The following BNC2 variants were observed in gnomAD, a reference collection of about 807,000 sequenced individuals.
BNC2 encodes the protein basonuclin zinc finger protein 2.
Under a neutral mutation model 76.3 loss-of-function variants are expected in BNC2, and 20 were observed. That is an observed-to-expected ratio of 0.26 (90% confidence interval 0.18 to 0.38). The LOEUF is 0.38. BNC2 is among the 10% of genes least tolerant of loss of function. The pLI is 1.00. For missense variants in BNC2, 1,382 were observed against 1,399.8 expected (o/e 0.99, Z 0.20); for synonymous variants, 582 against 514.8 (o/e 1.13, Z -1.77).
chr9:16,437,562 A>G, intron 5 of BNC2, 38 bp from the exon 6 acceptor site: 2 of 1,601,566 alleles, frequency 1.2e-6, no homozygotes, highest in Non-Finnish European at 1.7e-6. Flanking sequence ...AGACAAACAC[A>G]AAAACTTATT....
intron 3 of BNC2, among the ~76,000 whole-genome samples, chr9:16,633,723 T>C (rs763087366): frequency 2.6e-5 from 4 of 152,188 alleles, no homozygotes; most frequent in Non-Finnish European, 4.4e-5. Context: ...TGTTTCCTAT[T>C]CAGATCCAAG....
At position 16,484,625 on chromosome 9, in the gene BNC2, T is replaced by C. The variant is rs147465814; in HGVS notation, c.670-47101A>G. ...CAGAGCTGGCTGGCATGCAAGTGGT[T>C]CTAATTTTCCTTTTTCCAACTGTTC... On this transcript the variant is annotated intron_variant, in intron 5 of 6. Coordinates refer to ENST00000380672, the MANE Select transcript of BNC2 (RefSeq NM_017637.6). Among the ~76,000 whole-genome samples the C allele has an allele frequency of 7.0e-3, 1,060 of 152,322 alleles. 15 individuals are homozygous for C. Among genetic ancestry groups the C allele is most frequent in the African/African-American group, 0.024 (1,002 of 41,576 alleles).
chr9:16,468,964 G>C (rs1587064404), intron 5 of BNC2, among the ~76,000 whole-genome samples: 1 of 152,106 alleles, frequency 6.6e-6, no homozygotes, highest in African/African-American at 2.4e-5. Context: ...TATATTCACA[G>C]AAAACTAATG....
At chr9:16,777,700 C>CAAAA (rs3084426) in intron 1 of BNC2, among the ~76,000 whole-genome samples, 13 of 100,408 alleles carry the variant, frequency 1.3e-4, no homozygotes, top group South Asian at 4.1e-4. Context: ...GACTCCATCT[C>CAAAA]AAAAAAAAAA....
chr9:16,470,889 G>C (rs1288662526), intron 5 of BNC2, among the ~76,000 whole-genome samples: 2 of 152,242 alleles, frequency 1.3e-5, no homozygotes, highest in East Asian at 1.9e-4. Context: ...CAGAGTCCCT[G>C]CTAGGGCACT....
chr9:16,454,239 C>A (rs1821400711), intron 5 of BNC2, among the ~76,000 whole-genome samples: 1 of 152,130 alleles, frequency 6.6e-6, no homozygotes, highest in Non-Finnish European at 1.5e-5. Context: ...CTGTAAAATA[C>A]ACATCTTTCT....
At chr9:16,590,975 A>G (rs1405859535) in intron 3 of BNC2, among the ~76,000 whole-genome samples, 1 of 152,212 alleles carries the variant, frequency 6.6e-6, no homozygotes, top group East Asian at 1.9e-4. Flanking sequence ...TCTTATAAAC[A>G]TGACCAAAAA....
chr9:16,842,287 A>G (rs984381474), intron 1 of BNC2, among the ~76,000 whole-genome samples: 4 of 152,352 alleles, frequency 2.6e-5, no homozygotes, highest in African/African-American at 9.6e-5. Context: ...AAAATAGTTC[A>G]TGTAGATATA....
At chr9:16,771,396 T>G (rs1825828005) in intron 1 of BNC2, among the ~76,000 whole-genome samples, 1 of 152,196 alleles carries the variant, frequency 6.6e-6, no homozygotes, top group African/African-American at 2.4e-5. Context: ...TTCCCAGGTA[T>G]GTGAGATCAA....
At position 16,776,793 on chromosome 9, in the gene BNC2, T is replaced by C. The variant is rs573420885; in HGVS notation, c.4-38308A>G. 6.6e-5 allele frequency among the ~76,000 whole-genome samples: 10 copies of C among 152,264 alleles called. No homozygotes were observed. In the South Asian group the frequency reaches 1.9e-3, roughly 28 times the overall value. ...TAATGAAGTTAATAATAAGGGTCAA[T>C]TGAAAGAAACGAATATGAAGGAATC... On this transcript the variant is annotated intron_variant, in intron 1 of 6. Transcript: ENST00000380672.
chr9:16,765,655 T>C (rs182094592), intron 1 of BNC2, among the ~76,000 whole-genome samples: 2 of 152,262 alleles, frequency 1.3e-5, no homozygotes, highest in African/African-American at 4.8e-5. Flanking sequence ...AAGTAACAGG[T>C]TTTTTTCCAT....
At chr9:16,561,051 G>A (rs183736894) in intron 4 of BNC2, among the ~76,000 whole-genome samples, 52 of 152,006 alleles carry the variant, frequency 3.4e-4, no homozygotes, top group Admixed American at 7.9e-4. Context: ...CCAGCCTGGC[G>A]AATATAGTGA....
At chr9:16,687,062 T>G (rs1385356068) in intron 3 of BNC2, among the ~76,000 whole-genome samples, 1 of 152,128 alleles carries the variant, frequency 6.6e-6, no homozygotes, top group Admixed American at 6.5e-5. Flanking sequence ...TATGAGCATC[T>G]CCAGTCTACA....
intron 1 of BNC2, among the ~76,000 whole-genome samples, chr9:16,822,541 G>T (rs1010202564): frequency 6.6e-6 from 1 of 152,114 alleles, no homozygotes; most frequent in African/African-American, 2.4e-5. Flanking sequence ...ATTTAAAAGA[G>T]AGGCAGAAAG....
At chr9:16,484,088 T>C (rs183188082) in intron 5 of BNC2, among the ~76,000 whole-genome samples, 77 of 152,356 alleles carry the variant, frequency 5.1e-4, no homozygotes, top group Admixed American at 7.8e-4. Context: ...CCCAAGGCTT[T>C]TGACGTGGTG....
intron 3 of BNC2, among the ~76,000 whole-genome samples, chr9:16,690,641 G>T (rs1157730611): frequency 6.6e-6 from 1 of 152,158 alleles, no homozygotes; most frequent in South Asian, 2.1e-4. Flanking sequence ...TGTATCAATA[G>T]GAACATGATA....
intron 2 of BNC2, 114 bp from the exon 3 acceptor site, chr9:16,728,111 G>A: frequency 3.6e-6 from 2 of 554,376 alleles, no homozygotes; most frequent in Non-Finnish European, 6.8e-6. Context: ...AGATTTGGGG[G>A]AGGGAGGGGG....
chr9:16,823,455 T>C (rs1818386154), intron 1 of BNC2, among the ~76,000 whole-genome samples: 1 of 150,592 alleles, frequency 6.6e-6, no homozygotes, highest in South Asian at 2.1e-4. Context: ...ATTAAAAAAT[T>C]AGCCAGGTGT....
intron 4 of BNC2, among the ~76,000 whole-genome samples, chr9:16,564,309 A>G (rs192220262): frequency 6.6e-6 from 1 of 152,332 alleles, no homozygotes; most frequent in East Asian, 1.9e-4. Flanking sequence ...CAGTGACCTG[A>G]AGACTACAAT....
Sources: allele counts gnomAD v4.1 joint callset (sites outside exome capture counted in the v4.1 genomes callset), GRCh38; gene constraint gnomAD v4.1.1; transcripts MANE v1.5; gene names NCBI Gene and HGNC (gene_info 2026-07-23, HGNC 2026-07-21).